PTPRK: variants seen among roughly 807,000 people sequenced by gnomAD.
PTPRK encodes receptor-type tyrosine-protein phosphatase kappa.
PTPRK carries 75 observed loss-of-function variants against 178.0 expected under a neutral mutation model. The ratio of observed to expected loss-of-function variants is 0.42; its 90% CI spans 0.35 to 0.51. PTPRK has a LOEUF of 0.51. Ranked by LOEUF, PTPRK falls within the 20% of genes least tolerant of loss-of-function variation. The probability of loss-of-function intolerance (pLI) is 0.02; values close to 1 mark genes in which losing one functional copy is unlikely to be tolerated. For missense variants in PTPRK, 1,441 were observed against 1,797.8 expected (o/e 0.80, Z 3.59); for synonymous variants, 637 against 620.6 (o/e 1.03, Z -0.39).
At chr6:128,518,460 G>C (rs945902863) in intron 1 of PTPRK, among the ~76,000 whole-genome samples, 1 of 152,144 alleles carries the variant, frequency 6.6e-6, no homozygotes, top group East Asian at 1.9e-4. Context: ...TATATCCATC[G>C]CTGTTGAGAC....
chr6:128,018,740 G>A (rs1772984595), intron 13 of PTPRK, among the ~76,000 whole-genome samples: 1 of 151,972 alleles, frequency 6.6e-6, no homozygotes, highest in Non-Finnish European at 1.5e-5. Flanking sequence ...TTCGAATAAA[G>A]TTCTCTTTCT....
chr6:128,244,669 T>C (rs1815130953), intron 3 of PTPRK, among the ~76,000 whole-genome samples: 1 of 152,240 alleles, frequency 6.6e-6, no homozygotes, highest in African/African-American at 2.4e-5. Context: ...AGCCATTTTA[T>C]TCTTTCCCAT....
chr6:128,272,429 G>T (rs867037766), intron 3 of PTPRK, among the ~76,000 whole-genome samples: 9 of 152,128 alleles, frequency 5.9e-5, no homozygotes, highest in African/African-American at 2.2e-4. Flanking sequence ...GCAACTTACA[G>T]AATGGGAAAA....
intron 2 of PTPRK, among the ~76,000 whole-genome samples, chr6:128,362,023 T>C (rs1207806983): frequency 6.6e-6 from 1 of 152,130 alleles, no homozygotes; most frequent in Non-Finnish European, 1.5e-5. Flanking sequence ...GGGGACACTT[T>C]ATATGTTAGG....
rs546729697 is a variant in PTPRK at position 128,370,032 on chromosome 6, G to A, written c.223+27534C>T. The stretch of plus-strand genomic sequence containing the variant: ...GAAGATTAAAAGCAAAGCTTGAATG[G>A]ACAGGATACAATAATGAGCAAGAAA... On this transcript the variant is annotated intron_variant, in intron 2 of 29. Coordinates refer to ENST00000368226, the MANE Select transcript of PTPRK (RefSeq NM_002844.4). Among the ~76,000 whole-genome samples the A allele has an allele frequency of 6.6e-5, 10 of 152,240 alleles. No individual in the cohort carries two copies. The South Asian group carries it at 1.9e-3, about 28-fold the overall frequency.
At chr6:128,271,867 T>C (rs377048901) in intron 3 of PTPRK, among the ~76,000 whole-genome samples, 6 of 151,890 alleles carry the variant, frequency 4.0e-5, no homozygotes, top group East Asian at 3.9e-4. Flanking sequence ...AAAATTAACA[T>C]TGAACTGAAA....
rs79882955 is a variant in PTPRK at position 128,128,581 on chromosome 6, C to T, written c.1163-38589G>A. 3.5e-4 allele frequency among the ~76,000 whole-genome samples: 53 copies of T among 152,310 alleles called. 1 individual carries two copies. In the East Asian group the frequency reaches 0.01, roughly 29 times the overall value. ...ATACTGTGCTTCTCAAAAGAGAGTA[C>T]TTGTGTATTCACAGGAAAAAGGAGA... is the stretch of plus-strand genomic sequence containing the variant. On this transcript the variant is annotated intron_variant, in intron 7 of 29. Transcript: ENST00000368226.
At chr6:128,186,899 G>A (rs1326992212) in intron 6 of PTPRK, among the ~76,000 whole-genome samples, 4 of 152,118 alleles carry the variant, frequency 2.6e-5, no homozygotes, top group Non-Finnish European at 5.9e-5. Context: ...GAAGCAGTCT[G>A]TATTTTGTGA....
At chr6:128,355,267 C>T (rs1231492613) in intron 2 of PTPRK, among the ~76,000 whole-genome samples, 2 of 152,196 alleles carry the variant, frequency 1.3e-5, no homozygotes, top group Admixed American at 6.5e-5. Context: ...AAGGGTAAAG[C>T]TGCCTAGCAA....
At chr6:128,306,901 A>T (rs1253031049) in intron 3 of PTPRK, among the ~76,000 whole-genome samples, 1 of 152,154 alleles carries the variant, frequency 6.6e-6, no homozygotes, top group Non-Finnish European at 1.5e-5. Context: ...GAAATTCAAG[A>T]GGTATACTTG....
chr6:128,016,291 C>T (rs1462792616), intron 13 of PTPRK, among the ~76,000 whole-genome samples: 3 of 151,690 alleles, frequency 2.0e-5, no homozygotes, highest in Non-Finnish European at 2.9e-5. Context: ...TGAAGGGTGA[C>T]GTTATAAAGG....
chr6:127,973,751 T>A lies in PTPRK; in HGVS notation c.4046A>T (p.Lys1349Ile), dbSNP rs967998403. Residue 1349 changes from lysine (K) to isoleucine (I), a missense_variant, in exon 28 of 30, where the codon AAA becomes ATA. Lys to Ile is a moderately radical substitution (Grantham distance 102). This residue lies in a region of PTPRK where 335 missense variants were observed against 512.4 expected (regional missense o/e 0.65). Coordinates refer to ENST00000368226, the MANE Select transcript of PTPRK (RefSeq NM_002844.4). ...AAGTATCAGTTTCAAGAATGACCTT[T>A]TGGATCCAGGCACTTCTCGATGAGA... ...WASHREVPGS[K>I]RSFLKLILQV... 2 of 1,613,942 alleles carry A rather than the reference T, an allele frequency of 1.2e-6. No homozygotes were observed. Among genetic ancestry groups the A allele is most frequent in the African/African-American group, 1.3e-5 (1 of 74,922 alleles).
chr6:128,230,028 G>T (rs930010157), intron 5 of PTPRK, among the ~76,000 whole-genome samples: 4 of 152,204 alleles, frequency 2.6e-5, no homozygotes, highest in East Asian at 3.9e-4. Context: ...ATAAATATAG[G>T]CATTAATCAT....
intron 6 of PTPRK, among the ~76,000 whole-genome samples, chr6:128,209,968 AG>A (rs1256279116): frequency 3.3e-5 from 5 of 152,128 alleles, no homozygotes; most frequent in Admixed American, 3.3e-4. Context: ...AAGAACAGGA[AG>A]CTGCCAGTGC....
intron 1 of PTPRK, among the ~76,000 whole-genome samples, chr6:128,506,493 C>CA (rs769163770): frequency 6.6e-6 from 1 of 151,552 alleles, no homozygotes; most frequent in Non-Finnish European, 1.5e-5. Context: ...CTGATCTCTA[C>CA]AAAAAAATTT....
chr6:128,002,542 A>T (rs969794494), intron 15 of PTPRK, among the ~76,000 whole-genome samples: 4 of 151,940 alleles, frequency 2.6e-5, no homozygotes, highest in Non-Finnish European at 5.9e-5. Context: ...AAAAATTAAT[A>T]TAATTTTACA....
intron 13 of PTPRK, among the ~76,000 whole-genome samples, chr6:128,029,542 T>C (rs1774916202): frequency 6.6e-6 from 1 of 151,524 alleles, no homozygotes; most frequent in African/African-American, 2.4e-5. Flanking sequence ...TCCGAGCTAC[T>C]GGGGAGGCGA....
intron 7 of PTPRK, among the ~76,000 whole-genome samples, chr6:128,126,396 AG>A (rs1793381979): frequency 6.6e-6 from 1 of 152,202 alleles, no homozygotes; most frequent in African/African-American, 2.4e-5. Flanking sequence ...TGCCTACCAA[AG>A]GGCATTTGGG....
intron 1 of PTPRK, among the ~76,000 whole-genome samples, chr6:128,398,349 TG>T (rs1840614186): frequency 6.6e-6 from 1 of 152,222 alleles, no homozygotes; most frequent in African/African-American, 2.4e-5. Flanking sequence ...GGGAGTACGC[TG>T]TGGTCCTTCT....
Sources: gnomAD v4.1 joint callset for allele counts (sites outside exome capture counted in the v4.1 genomes callset) on GRCh38, gnomAD v4.1.1 for gene constraint, gnomAD v4.1.1 regional missense constraint, MANE v1.5 for transcripts, NCBI Gene and HGNC (gene_info 2026-07-23, HGNC 2026-07-21) for gene names.